Variants in MRTFA observed in about 807,000 individuals in gnomAD.
The protein encoded by MRTFA is myocardin related transcription factor A.
A neutral mutation model predicts 83.5 loss-of-function variants in MRTFA; 20 were observed. The ratio of observed to expected loss-of-function variants is 0.24; its 90% confidence interval spans 0.17 to 0.35. The LOEUF (loss-of-function observed/expected upper bound fraction) is 0.35, where lower values mean the gene tolerates loss of function less well. Among genes scored for constraint, MRTFA ranks in the 10% least tolerant of loss-of-function variants. The probability of loss-of-function intolerance (pLI) is 1.00; values close to 1 mark genes in which losing one functional copy is unlikely to be tolerated. For synonymous variants in MRTFA, 659 were observed against 541.2 expected (o/e 1.22, Z -3.02); for missense variants, 1,200 against 1,224.7 (o/e 0.98, Z 0.30).
intron 3 of MRTFA, among the ~76,000 whole-genome samples, chr22:40,477,474 T>C (rs1014482480): frequency 4.6e-5 from 7 of 152,122 alleles, no homozygotes; most frequent in Non-Finnish European, 8.8e-5. Flanking sequence ...CAAGTAACTT[T>C]ATCTTTTTTT....
At chr22:40,420,256 G>A (rs2052800364) in intron 11 of MRTFA, 149 bp downstream of exon 11, 1 of 899,384 alleles carries the variant, frequency 1.1e-6, no homozygotes, top group South Asian at 1.8e-5. Flanking sequence ...TGCCCTGTCT[G>A]ATGGGGACCA....
At chr22:40,487,279 T>C (rs998010081) in intron 3 of MRTFA, among the ~76,000 whole-genome samples, 3 of 152,226 alleles carry the variant, frequency 2.0e-5, no homozygotes, top group South Asian at 4.1e-4. Flanking sequence ...GTGTATGCGT[T>C]GGTACTAAGT....
At chr22:40,538,299 G>C (rs913027620) in intron 3 of MRTFA, among the ~76,000 whole-genome samples, 10 of 99,904 alleles carry the variant, frequency 1.0e-4, no homozygotes, top group Admixed American at 1.2e-4. Flanking sequence ...AACATGTGCT[G>C]TGTCCACTCA....
chr22:40,420,743 C>G (rs2052816842), intron 10 of MRTFA, 104 bp downstream of exon 10: 2 of 1,559,744 alleles, frequency 1.3e-6, no homozygotes, highest in Admixed American at 3.5e-5. Context: ...TCCAGACCAG[C>G]GGGTCCTTAA....
At position 40,418,640 on chromosome 22, in the gene MRTFA, T is replaced by TG; in HGVS notation, c.2097dup (p.Ser700GlnfsTer32). On this transcript the variant is annotated frameshift_variant, in exon 12 of 15. Transcript: ENST00000355630. LOFTEE classifies it high-confidence loss of function. ...TGGTTGGTGGCTGGGGCCGCCAGGCTGGGGTTGAATGGGTGAGCGGGGCCC... is the reference window on the plus strand; with the variant it reads ...TGGTTGGTGGCTGGGGCCGCCAGGCTGGGGGTTGAATGGGTGAGCGGGGCCC... The TG allele has an allele frequency of 6.7e-7, 1 of 1,481,884 alleles. No homozygotes were observed. The allele number at this position is 1,481,884 out of a possible 1,614,324, so 91.8% of individuals were successfully genotyped here.
chr22:40,525,007 G>A (rs371959952), intron 3 of MRTFA, among the ~76,000 whole-genome samples: 2 of 151,974 alleles, frequency 1.3e-5, no homozygotes, highest in African/African-American at 4.8e-5. Flanking sequence ...ATGGGGTTTC[G>A]CCATACTGGC....
At chr22:40,485,370 G>T (rs1262130538) in intron 3 of MRTFA, among the ~76,000 whole-genome samples, 1 of 152,098 alleles carries the variant, frequency 6.6e-6, no homozygotes, top group Non-Finnish European at 1.5e-5. Context: ...CTGCCTCTTC[G>T]ATGCTTCTCC....
At chr22:40,580,056 T>A (rs2055924163) in intron 2 of MRTFA, among the ~76,000 whole-genome samples, 1 of 152,204 alleles carries the variant, frequency 6.6e-6, no homozygotes, top group South Asian at 2.1e-4. Flanking sequence ...AAACACAACA[T>A]ATGAACCACA....
At chr22:40,449,533 A>G (rs1194366583) in intron 4 of MRTFA, among the ~76,000 whole-genome samples, 1 of 152,216 alleles carries the variant, frequency 6.6e-6, no homozygotes, top group Non-Finnish European at 1.5e-5. Flanking sequence ...AGGCCTTAAG[A>G]ATAATCTTTA....
In MRTFA at chr22:40,420,528, G is replaced by A. The variant is rs920571135; in HGVS notation, c.1230C>T (p.Ser410=). 4 of 1,613,640 alleles carry A rather than the reference G, an allele frequency of 2.5e-6. No individual in the cohort carries two copies. Among genetic ancestry groups the A allele is most frequent in the Admixed American group, 1.7e-5 (1 of 60,014 alleles). ...TGGAGCTGCTATTGGTAGTGGAGAG[G>A]CTGCGTACTGGGGGGGTCCCGCTGC... is the stretch of plus-strand genomic sequence containing the variant. Residue 410 remains serine (S), a synonymous_variant, in exon 11 of 15, where the codon AGC becomes AGT. Coordinates refer to ENST00000355630, the MANE Select transcript of MRTFA (RefSeq NM_020831.6).
Position 40,455,803 on chromosome 22 carries a change from A to AGTATGTATGTATGTATGTAT in MRTFA, c.307+7398_307+7417dup, listed in dbSNP as rs3044520. Among the ~76,000 whole-genome samples, 502 of 143,368 alleles carry AGTATGTATGTATGTATGTAT rather than the reference A, an allele frequency of 3.5e-3. 3 individuals carry two copies. Among genetic ancestry groups the AGTATGTATGTATGTATGTAT allele is most frequent in the East Asian group, 0.018 (84 of 4,732 alleles). 94.1% of individuals were successfully genotyped at this position (143,368 alleles called of 152,430 possible). A position where few individuals can be genotyped will look rare whatever the true frequency, so the allele number is the denominator to read the frequency against. Reference sequence around the variant, plus strand: ...CAACAAAAAGATCCCATGGTATCCCAGTATGTATGTATGTATGTATGTATG... The same window carrying AGTATGTATGTATGTATGTAT: ...CAACAAAAAGATCCCATGGTATCCCAGTATGTATGTATGTATGTATGTATGTATGTATGTATGTATGTATG... On this transcript the variant is annotated intron_variant, in intron 4 of 14. Transcript: ENST00000355630.
intron 3 of MRTFA, among the ~76,000 whole-genome samples, chr22:40,486,447 G>A (rs888469902): frequency 6.6e-6 from 1 of 152,128 alleles, no homozygotes; most frequent in Non-Finnish European, 1.5e-5. Flanking sequence ...TCAACAAAAA[G>A]CTACCACTAT....
At chr22:40,588,696 T>C (rs2056069608) in intron 2 of MRTFA, among the ~76,000 whole-genome samples, 1 of 152,134 alleles carries the variant, frequency 6.6e-6, no homozygotes, top group Non-Finnish European at 1.5e-5. Context: ...GATCATATAG[T>C]CTGGGCCAGA....
rs1267248916 is a variant in MRTFA at position 40,472,512 on chromosome 22, A to G, written c.242-9226T>C. ...AAAATTTTTTGACAATAAACATGTT[A>G]TTATTTCCATGATCATTTTTAATAT... is the stretch of plus-strand genomic sequence containing the variant. On this transcript the variant is annotated intron_variant, in intron 3 of 14. Transcript: ENST00000355630. Among the ~76,000 whole-genome samples, 4 of 152,324 alleles carry G rather than the reference A, an allele frequency of 2.6e-5. No individual in the cohort carries two copies. In the East Asian group the frequency reaches 7.7e-4, roughly 29 times the overall value.
rs550529760 is a variant in MRTFA, at chr22:40,410,934, A to C, written c.*456T>G. 4.7e-4 allele frequency: 106 copies of C among 226,258 alleles called. No homozygotes were observed. Among genetic ancestry groups the C allele is most frequent in the African/African-American group, 2.2e-3 (98 of 45,132 alleles). 14.0% of individuals were successfully genotyped at this position (226,258 alleles called of 1,614,324 possible). On this transcript the variant is annotated 3_prime_UTR_variant, in exon 15 of 15. Coordinates refer to ENST00000355630, the MANE Select transcript of MRTFA (RefSeq NM_020831.6). ...ATCCTGGGGTTGGCAGACACAGGGA[A>C]TAGGGGGTAGAGGCCCAGGCTAATT...
intron 1 of MRTFA, among the ~76,000 whole-genome samples, chr22:40,634,487 C>T (rs1325108505): frequency 6.6e-6 from 1 of 152,256 alleles, no homozygotes; most frequent in East Asian, 1.9e-4. Flanking sequence ...TCTTTGAAGC[C>T]TTCCCATACA....
At chr22:40,584,730 C>CA (rs58633243) in intron 2 of MRTFA, among the ~76,000 whole-genome samples, 11,887 of 56,460 alleles carry the variant, frequency 0.21, 893 homozygotes, top group East Asian at 0.35. Context: ...GACTCTGTCT[C>CA]AAAAAAAAAA....
At chr22:40,520,885 C>A (rs1280174142) in intron 3 of MRTFA, among the ~76,000 whole-genome samples, 1 of 152,104 alleles carries the variant, frequency 6.6e-6, no homozygotes. Context: ...TAAAAATACA[C>A]AGACAAATGT....
chr22:40,428,155 A>G (rs1187710854), intron 7 of MRTFA, among the ~76,000 whole-genome samples: 1 of 151,826 alleles, frequency 6.6e-6, no homozygotes, highest in Non-Finnish European at 1.5e-5. Flanking sequence ...AGGAGAGGGT[A>G]TGGGAACCCC....
Sources: allele counts gnomAD v4.1 joint callset (sites outside exome capture counted in the v4.1 genomes callset), GRCh38; gene constraint gnomAD v4.1.1; transcripts MANE v1.5; gene names NCBI Gene and HGNC (gene_info 2026-07-23, HGNC 2026-07-21).